The following NEK7 variants were observed in gnomAD, a reference collection of about 807,000 sequenced individuals.
The protein encoded by NEK7 is serine/threonine-protein kinase Nek7.
In NEK7, 18 loss-of-function variants were observed where a neutral mutation model predicts 44.6. The ratio of observed to expected loss-of-function variants is 0.40; its 90% confidence interval spans 0.28 to 0.60. The LOEUF (loss-of-function observed/expected upper bound fraction) is 0.60. Ranked by LOEUF, NEK7 falls within the 20% of genes least tolerant of loss-of-function variation. NEK7 has a pLI of 0.38. For missense variants in NEK7, 256 were observed against 366.5 expected (o/e 0.70, Z 2.46); for synonymous variants, 130 against 121.1 (o/e 1.07, Z -0.48).
chr1:198,222,765 C>T (rs1287971880), intron 1 of NEK7, among the ~76,000 whole-genome samples: 1 of 151,930 alleles, frequency 6.6e-6, no homozygotes, highest in Admixed American at 6.6e-5. Flanking sequence ...CAGTCTCGCC[C>T]TCTGCTACTT....
chr1:198,183,055 ACT>A (rs1466453788), intron 1 of NEK7, among the ~76,000 whole-genome samples: 2 of 152,240 alleles, frequency 1.3e-5, no homozygotes, highest in African/African-American at 4.8e-5. Context: ...GATTTCTGAA[ACT>A]CAAAAATGGG....
intron 9 of NEK7, among the ~76,000 whole-genome samples, chr1:198,316,002 G>C (rs1655357394): frequency 6.6e-6 from 1 of 152,110 alleles, no homozygotes; most frequent in Admixed American, 6.5e-5. Context: ...AACAGGAAAA[G>C]AGTTAAGGAA....
intron 1 of NEK7, among the ~76,000 whole-genome samples, chr1:198,222,711 A>G (rs1666105061): frequency 1.3e-5 from 2 of 152,298 alleles, no homozygotes; most frequent in Admixed American, 1.3e-4. Flanking sequence ...AGTGTCCATT[A>G]TATGCCAGGT....
chr1:198,280,721 T>C (rs2102985706), intron 7 of NEK7, among the ~76,000 whole-genome samples: 1 of 148,730 alleles, frequency 6.7e-6, no homozygotes, highest in South Asian at 2.1e-4. Context: ...TAATTATATA[T>C]ATGTAATATA....
intron 1 of NEK7, among the ~76,000 whole-genome samples, chr1:198,214,489 A>G (rs986877467): frequency 2.0e-5 from 3 of 152,242 alleles, no homozygotes; most frequent in Admixed American, 6.5e-5. Flanking sequence ...TGAAAAATCA[A>G]TCAGAACTTC....
At position 198,270,167 on chromosome 1, in the gene NEK7, A is replaced by G. The variant is rs1045952623; in HGVS notation, c.372+5932A>G. Among the ~76,000 whole-genome samples the G allele has an allele frequency of 6.6e-5, 10 of 152,128 alleles. No homozygotes were observed. The East Asian group carries it at 1.9e-3, about 29-fold the overall frequency. ...TTAAAATTTCAACTTGTCAATAGAAATGTTACTAAAATATATTTTAAATTT... is the reference window on the plus strand; with the variant it reads ...TTAAAATTTCAACTTGTCAATAGAAGTGTTACTAAAATATATTTTAAATTT... On this transcript the variant is annotated intron_variant, in intron 5 of 9. Transcript: ENST00000367385.
chr1:198,172,474 G>C (rs1428231281), intron 1 of NEK7, among the ~76,000 whole-genome samples: 2 of 152,126 alleles, frequency 1.3e-5, no homozygotes, highest in Non-Finnish European at 2.9e-5. Flanking sequence ...TTTTTCATAA[G>C]CAGTAGGAGC....
At chr1:198,213,139 G>C (rs558915648) in intron 1 of NEK7, among the ~76,000 whole-genome samples, 1 of 152,214 alleles carries the variant, frequency 6.6e-6, no homozygotes, top group Non-Finnish European at 1.5e-5. Context: ...CCAATCTGGA[G>C]TGGGACAGCA....
intron 1 of NEK7, among the ~76,000 whole-genome samples, chr1:198,179,183 T>C (rs555655529): frequency 6.6e-6 from 1 of 152,222 alleles, no homozygotes; most frequent in South Asian, 2.1e-4. Flanking sequence ...AATTCTAATA[T>C]AAGGCCTTGC....
At chr1:198,160,045 A>C (rs527519947) in intron 1 of NEK7, among the ~76,000 whole-genome samples, 2 of 152,128 alleles carry the variant, frequency 1.3e-5, no homozygotes, top group African/African-American at 4.8e-5. Context: ...GCATTTACTG[A>C]AATATAGACT....
intron 7 of NEK7, among the ~76,000 whole-genome samples, chr1:198,286,543 A>G (rs781030181): frequency 6.6e-6 from 1 of 152,112 alleles, no homozygotes; most frequent in Admixed American, 6.5e-5. Context: ...CACTCAATGC[A>G]TGAATCATTA....
At chr1:198,225,140 C>G (rs1666177827) in intron 1 of NEK7, among the ~76,000 whole-genome samples, 2 of 150,840 alleles carry the variant, frequency 1.3e-5, no homozygotes, top group East Asian at 2.0e-4. Context: ...CCTAGGAGTA[C>G]AAGACTAGCC....
At chr1:198,307,484 T>G (rs1415781970) in intron 9 of NEK7, among the ~76,000 whole-genome samples, 3 of 152,126 alleles carry the variant, frequency 2.0e-5, no homozygotes, top group African/African-American at 7.2e-5. Flanking sequence ...AAGATAAATT[T>G]TATTCATTAC....
At chr1:198,252,569 A>ATATATATATATATATAT (rs1558079353) in intron 2 of NEK7, among the ~76,000 whole-genome samples, 1 of 21,080 alleles carries the variant, frequency 4.7e-5, no homozygotes, top group Non-Finnish European at 8.4e-5. Context: ...TATATATATA[A>ATATATATATATATATAT]AAAGTACATA....
At position 198,212,148 on chromosome 1, in the gene NEK7, TCCGGTCA is replaced by T. The variant is rs144373445; in HGVS notation, c.-28-20403_-28-20397del. ...CGGAAGTCAGCCAGCTAACTCAGGCTCCGGTCACAGGTTGAGAGAAGCTCCCAACTGA... is the reference window on the plus strand; with the variant it reads ...CGGAAGTCAGCCAGCTAACTCAGGCTCAGGTTGAGAGAAGCTCCCAACTGA... On this transcript the variant is annotated intron_variant, in intron 1 of 9. Coordinates refer to ENST00000367385, the MANE Select transcript of NEK7 (RefSeq NM_133494.3). 1.1e-3 allele frequency among the ~76,000 whole-genome samples: 164 copies of T among 152,320 alleles called. 1 individual carries two copies. The East Asian group carries it at 0.03, about 28-fold the overall frequency.
At chr1:198,309,403 T>C (rs1436678478) in intron 9 of NEK7, among the ~76,000 whole-genome samples, 1 of 152,168 alleles carries the variant, frequency 6.6e-6, no homozygotes. Flanking sequence ...CTGATGTCAG[T>C]GGCTCATATT....
chr1:198,291,054 GT>G (rs1404694886), intron 7 of NEK7, among the ~76,000 whole-genome samples: 1 of 152,150 alleles, frequency 6.6e-6, no homozygotes, highest in African/African-American at 2.4e-5. Context: ...GCTAATCTCT[GT>G]AAAATGCTAG....
intron 1 of NEK7, among the ~76,000 whole-genome samples, chr1:198,160,888 T>C (rs1664084206): frequency 6.6e-6 from 1 of 152,256 alleles, no homozygotes; most frequent in Non-Finnish European, 1.5e-5. Context: ...TTGTGTATTT[T>C]CACAAAATTT....
chr1:198,168,935 C>T (rs1035267116), intron 1 of NEK7, among the ~76,000 whole-genome samples: 1 of 152,080 alleles, frequency 6.6e-6, no homozygotes, highest in Admixed American at 6.5e-5. Flanking sequence ...GAGGAGTATG[C>T]AGAACATATG....
Sources: gnomAD v4.1 joint callset for allele counts (sites outside exome capture counted in the v4.1 genomes callset) on GRCh38, gnomAD v4.1.1 for gene constraint, MANE v1.5 for transcripts, NCBI Gene and HGNC (gene_info 2026-07-23, HGNC 2026-07-21) for gene names.